Variants in IQGAP2 observed in about 807,000 individuals in gnomAD.
IQGAP2 encodes ras GTPase-activating-like protein IQGAP2.
Under a neutral mutation model 201.3 loss-of-function variants are expected in IQGAP2, and 173 were observed. The ratio of observed to expected loss-of-function variants is 0.86; its 90% confidence interval spans 0.76 to 0.98. The LOEUF (loss-of-function observed/expected upper bound fraction) is 0.98. Ranked by LOEUF, IQGAP2 falls within the 50% of genes least tolerant of loss-of-function variation. The pLI, the probability that IQGAP2 is intolerant of heterozygous loss-of-function variation, is 0.00. For missense variants in IQGAP2, 1,687 were observed against 1,864.8 expected (o/e 0.90, Z 1.76); for synonymous variants, 675 against 673.9 (o/e 1.00, Z -0.03).
intron 13 of IQGAP2, among the ~76,000 whole-genome samples, chr5:76,625,419 G>A (rs1580654381): frequency 6.6e-6 from 1 of 152,284 alleles, no homozygotes; most frequent in East Asian, 1.9e-4. Flanking sequence ...CTTGTAAACA[G>A]AGAAAAATTA....
rs1561416658 is a variant in IQGAP2 at position 76,496,768 on chromosome 5, T to TCTTTCCTTC, written c.146+35104_146+35105insCTTCCTTTC. 1.2e-4 allele frequency among the ~76,000 whole-genome samples: 14 copies of TCTTTCCTTC among 118,266 alleles called. 1 individual carries two copies. Among genetic ancestry groups the TCTTTCCTTC allele is most frequent in the African/African-American group, 6.1e-4 (14 of 22,968 alleles). 77.6% of individuals were successfully genotyped at this position (118,266 alleles called of 152,430 possible). ...TTCTTTCTTTCTTTCTTTCTTTCTT[T>TCTTTCCTTC]CTTTCTTTCTTTCTTTCTTTCTTTC... On this transcript the variant is annotated intron_variant, in intron 2 of 35. Transcript: ENST00000274364.
intron 2 of IQGAP2, among the ~76,000 whole-genome samples, chr5:76,524,305 TGACTTTTCAA>T (rs1758849980): frequency 6.6e-6 from 1 of 152,204 alleles, no homozygotes; most frequent in South Asian, 2.1e-4. Flanking sequence ...TCCATACATT[TGACTTTTCAA>T]GACTCCCTGA....
At chr5:76,527,446 G>T (rs1759038968) in intron 2 of IQGAP2, among the ~76,000 whole-genome samples, 1 of 152,162 alleles carries the variant, frequency 6.6e-6, no homozygotes, top group South Asian at 2.1e-4. Flanking sequence ...GACCTCTCCT[G>T]CTCTTCTGAA....
Position 76,707,693 on chromosome 5 carries a change from T to C in IQGAP2, c.*380T>C, listed in dbSNP as rs866111063. On this transcript the variant is annotated 3_prime_UTR_variant, in exon 36 of 36. Transcript: ENST00000274364. Reference sequence around the variant, plus strand: ...CCCACTTGAATAACGTAATTCTTCATAGTTTTTTTAATCTATGGATAAATG... The same window carrying C: ...CCCACTTGAATAACGTAATTCTTCACAGTTTTTTTAATCTATGGATAAATG... The C allele has an allele frequency of 6.9e-5, 11 of 160,214 alleles. No homozygotes were observed. The highest frequency in any genetic ancestry group is 3.8e-4 in the South Asian group (2 of 5,260). The allele number at this position is 160,214 out of a possible 1,614,324, so 9.9% of individuals were successfully genotyped here.
At chr5:76,601,849 G>A (rs1747451474) in intron 11 of IQGAP2, among the ~76,000 whole-genome samples, 1 of 152,202 alleles carries the variant, frequency 6.6e-6, no homozygotes, top group Non-Finnish European at 1.5e-5. Flanking sequence ...GGTAATGGAA[G>A]GATGGTGGGT....
intron 2 of IQGAP2, among the ~76,000 whole-genome samples, chr5:76,520,974 T>C (rs1346221768): frequency 6.6e-6 from 1 of 152,180 alleles, no homozygotes; most frequent in African/African-American, 2.4e-5. Context: ...CCCAAAGTAC[T>C]GGGATTACAG....
rs971859219 is a variant in IQGAP2 at position 76,479,248 on chromosome 5, C to T, written c.146+17579C>T. Reference sequence around the variant, plus strand: ...GAAGACATTCTCACTCGCTGTACCCCACTGCCTTGCACGGGGCCTGTGCAG... The same window carrying T: ...GAAGACATTCTCACTCGCTGTACCCTACTGCCTTGCACGGGGCCTGTGCAG... On this transcript the variant is annotated intron_variant, in intron 2 of 35. Coordinates refer to ENST00000274364, the MANE Select transcript of IQGAP2 (RefSeq NM_006633.5). Among the ~76,000 whole-genome samples, 3 of 152,184 alleles carry T rather than the reference C, an allele frequency of 2.0e-5. No individual in the cohort carries two copies. The East Asian group carries it at 5.8e-4, about 29-fold the overall frequency.
intron 1 of IQGAP2, among the ~76,000 whole-genome samples, chr5:76,441,757 A>T (rs951816279): frequency 6.6e-6 from 1 of 152,186 alleles, no homozygotes; most frequent in African/African-American, 2.4e-5. Context: ...TATCAAAACT[A>T]AAGAAATTTT....
intron 1 of IQGAP2, among the ~76,000 whole-genome samples, chr5:76,452,197 G>A (rs1158290441): frequency 6.8e-6 from 1 of 147,020 alleles, no homozygotes; most frequent in East Asian, 2.0e-4. Context: ...TTATAGGCGT[G>A]AGCCACCACG....
chr5:76,604,507 T>C (rs191780323), intron 11 of IQGAP2, among the ~76,000 whole-genome samples: 2 of 152,244 alleles, frequency 1.3e-5, no homozygotes. Flanking sequence ...GGTCAAATGG[T>C]GTTACTTTTA....
Position 76,668,854 on chromosome 5 carries a change from C to T in IQGAP2, c.2843+10C>T. 2 of 1,523,810 alleles carry T rather than the reference C, an allele frequency of 1.3e-6. No homozygotes were observed. The highest frequency in any genetic ancestry group is 2.3e-5 in the East Asian group (1 of 43,180). The allele number at this position is 1,523,810 out of a possible 1,614,324, so 94.4% of individuals were successfully genotyped here. On this transcript the variant is annotated intron_variant, in intron 23 of 35. Coordinates refer to ENST00000274364, the MANE Select transcript of IQGAP2 (RefSeq NM_006633.5). The stretch of plus-strand genomic sequence containing the variant: ...TGGAGGAAGAAATAAAGTATGTATA[C>T]AAATATGTATGTAAAAATACCAGTG...
At chr5:76,623,184 G>A in intron 13 of IQGAP2, 10 of 1,614,146 alleles carry the variant, frequency 6.2e-6, no homozygotes, top group Non-Finnish European at 8.5e-6. Context: ...ACAAAAAGTG[G>A]GCAACAGAAG....
At chr5:76,585,746 T>G (rs1332673925) in intron 5 of IQGAP2, among the ~76,000 whole-genome samples, 1 of 152,102 alleles carries the variant, frequency 6.6e-6, no homozygotes, top group Non-Finnish European at 1.5e-5. Flanking sequence ...GCTCTCAACC[T>G]CAGGTGATTT....
At chr5:76,628,648 G>T (rs1750449368) in intron 14 of IQGAP2, 1 of 453,948 alleles carries the variant, frequency 2.2e-6, no homozygotes, top group South Asian at 1.6e-5. Flanking sequence ...TATCAGGTCA[G>T]AGAAGGTTCT....
intron 17 of IQGAP2, among the ~76,000 whole-genome samples, chr5:76,647,195 A>G (rs920154012): frequency 1.3e-5 from 2 of 152,214 alleles, no homozygotes; most frequent in African/African-American, 2.4e-5. Context: ...CCAATATTAT[A>G]TATAAACAAA....
At position 76,671,840 on chromosome 5, in the gene IQGAP2, C is replaced by A. The variant is rs143839039; in HGVS notation, c.2925C>A (p.Ala975=). Residue 975 remains alanine, a synonymous_variant, in exon 24 of 36, where the codon GCC becomes GCA. Coordinates refer to ENST00000274364, the MANE Select transcript of IQGAP2 (RefSeq NM_006633.5). ...TGGTCGTCAGCTTCAATAGAGGTGC[C>A]CGGGGACAGAACACCCTGCGCCAAC... ...IKMVVSFNRG[A]RGQNTLRQLL... 1.1e-3 allele frequency: 1,704 copies of A among 1,613,974 alleles called. 3 individuals are homozygous for A. Among genetic ancestry groups the A allele is most frequent in the Middle Eastern group, 1.5e-3 (9 of 6,060 alleles).
intron 17 of IQGAP2, among the ~76,000 whole-genome samples, chr5:76,645,052 A>G (rs142900407): frequency 6.6e-6 from 1 of 151,324 alleles, no homozygotes; most frequent in African/African-American, 2.4e-5. Context: ...CCCTGTGTCC[A>G]TATGTTCTCA....
chr5:76,687,272 T>C (rs903572442), intron 30 of IQGAP2, among the ~76,000 whole-genome samples: 7 of 152,260 alleles, frequency 4.6e-5, no homozygotes, highest in African/African-American at 1.7e-4. Flanking sequence ...CAGTGATCAA[T>C]GTAGGTAACA....
chr5:76,530,255 A>G, intron 2 of IQGAP2, among the ~76,000 whole-genome samples: 1 of 152,358 alleles, frequency 6.6e-6, no homozygotes, highest in East Asian at 1.9e-4. Flanking sequence ...GCCATTAAAA[A>G]ATCTAAAAAA....
Sources: allele counts gnomAD v4.1 joint callset (sites outside exome capture counted in the v4.1 genomes callset), GRCh38; gene constraint gnomAD v4.1.1; transcripts MANE v1.5; gene names NCBI Gene and HGNC (gene_info 2026-07-23, HGNC 2026-07-21).